The following SI variants were observed in gnomAD, a reference collection of about 807,000 sequenced individuals.
The protein encoded by SI is sucrase-isomaltase, intestinal.
SI carries 235 observed loss-of-function variants against 253.3 expected under a neutral mutation model. The ratio of observed to expected loss-of-function variants is 0.93; its 90% CI spans 0.83 to 1.03. SI has a LOEUF of 1.03. Among genes scored for constraint, SI ranks in the 50% least tolerant of loss-of-function variants. The pLI, the probability that SI is intolerant of heterozygous loss-of-function variation, is 0.00. For missense variants in SI, 2,442 were observed against 2,211.1 expected (o/e 1.10, Z -2.09); for synonymous variants, 819 against 712.0 (o/e 1.15, Z -2.39).
chr3:165,084,008 A>G, the SI span, among the ~76,000 whole-genome samples: 4 of 152,032 alleles, frequency 2.6e-5, no homozygotes, highest in Non-Finnish European at 5.9e-5. Flanking sequence ...CTGAAGGTTT[A>G]CATCCCCTCC....
intron 27 of SI, 44 bp downstream of exon 27, chr3:165,021,185 C>A (rs377726008): frequency 3.2e-6 from 5 of 1,562,384 alleles, no homozygotes; most frequent in African/African-American, 1.4e-5. Flanking sequence ...CCTTCGTAAG[C>A]TAAAATTAAA....
At chr3:165,016,135 A>G (rs754084986) in intron 31 of SI, 55 bp from the exon 32 acceptor site, 1 of 1,414,452 alleles carries the variant, frequency 7.1e-7, no homozygotes, top group Non-Finnish European at 1.0e-6. Context: ...TAGTAAGTGT[A>G]TCATATTTTA....
intron 36 of SI, among the ~76,000 whole-genome samples, chr3:165,007,307 G>T (rs1195085958): frequency 6.6e-6 from 1 of 152,022 alleles, no homozygotes; most frequent in Admixed American, 6.6e-5. Context: ...ACTGCCTTTT[G>T]ATCCACATTT....
At chr3:165,060,966 T>C (rs868086823) in intron 9 of SI, among the ~76,000 whole-genome samples, 1 of 150,766 alleles carries the variant, frequency 6.6e-6, no homozygotes, top group Non-Finnish European at 1.5e-5. Flanking sequence ...TGTTGGGTTA[T>C]TGTTTTCTAT....
At chr3:165,084,022 T>G in the SI span, among the ~76,000 whole-genome samples, 1 of 152,024 alleles carries the variant, frequency 6.6e-6, no homozygotes, top group Admixed American at 6.6e-5. Flanking sequence ...CCCCTCCAAA[T>G]TCATATGCTG....
At chr3:165,000,845 C>A (rs1418831498) in intron 37 of SI, among the ~76,000 whole-genome samples, 1 of 151,338 alleles carries the variant, frequency 6.6e-6, no homozygotes, top group Non-Finnish European at 1.5e-5. Context: ...TTTGTTACCA[C>A]TTGACATTGG....
chr3:165,074,756 T>C, intron 2 of SI, 89 bp from the exon 3 acceptor site: 1 of 1,085,988 alleles, frequency 9.2e-7, no homozygotes, highest in Non-Finnish European at 1.4e-6. Context: ...TTTGAAAGAA[T>C]ACATGAATTC....
At chr3:165,043,935 A>G (rs1400236772) in intron 16 of SI, among the ~76,000 whole-genome samples, 2 of 152,002 alleles carry the variant, frequency 1.3e-5, no homozygotes, top group Non-Finnish European at 2.9e-5. Flanking sequence ...CGTGAAATTT[A>G]TATATAGGCT....
chr3:165,037,742 T>C (rs1487465488), intron 21 of SI, among the ~76,000 whole-genome samples, 158 bp downstream of exon 21: 1 of 151,856 alleles, frequency 6.6e-6, no homozygotes, highest in Admixed American at 6.6e-5. Context: ...ATAATTTCAT[T>C]CTTTTTATAG....
intron 8 of SI, among the ~76,000 whole-genome samples, chr3:165,062,765 G>T (rs2108254596): frequency 6.6e-6 from 1 of 152,108 alleles, no homozygotes; most frequent in East Asian, 1.9e-4. Flanking sequence ...CAAAGGATTA[G>T]TTCTCTGGCG....
rs201221376 is a variant in SI, at chr3:165,021,393, A to G, written c.3100-10T>C. 5.6e-6 allele frequency: 9 copies of G among 1,607,286 alleles called. No homozygotes were observed. The East Asian group carries it at 1.3e-4, about 24-fold the overall frequency. On this transcript the variant is annotated splice_polypyrimidine_tract_variant and intron_variant, in intron 26 of 47. Coordinates refer to ENST00000264382, the MANE Select transcript of SI (RefSeq NM_001041.4). Reference sequence around the variant, plus strand: ...TTTGGGGATCATAAATCTATTGCAGATAAGTAGTAAAAAAGTTTATTCTGA... The same window carrying G: ...TTTGGGGATCATAAATCTATTGCAGGTAAGTAGTAAAAAAGTTTATTCTGA...
chr3:165,008,560 G>A (rs1203055228), intron 35 of SI, among the ~76,000 whole-genome samples: 1 of 151,996 alleles, frequency 6.6e-6, no homozygotes, highest in East Asian at 1.9e-4. Context: ...ATATACTTAA[G>A]AGAATCCCTT....
chr3:165,067,256 T>C, intron 6 of SI, 84 bp downstream of exon 6: 2 of 1,060,828 alleles, frequency 1.9e-6, no homozygotes, highest in Non-Finnish European at 2.7e-6. Flanking sequence ...GAAATTTATT[T>C]CTACTGAAAA....
At chr3:165,023,499 A>G in intron 26 of SI, 71 bp downstream of exon 26, 1 of 1,009,300 alleles carries the variant, frequency 9.9e-7, no homozygotes, top group East Asian at 2.4e-5. Context: ...ATTAAATATC[A>G]ATCACAGGAT....
In SI at chr3:165,037,990, T is replaced by A; in HGVS notation, c.2336A>T (p.Asp779Val). Residue 779 changes from aspartate (D) to valine (V), a missense_variant, in exon 21 of 48, where the codon GAT becomes GTT. Asp to Val is a radical substitution (Grantham distance 152). Transcript: ENST00000264382. ...TATTTTGTCTGCTGGAAGATACATA[T>A]CAACCCGTTGTTTCCTCCATGGCCT... ...AKRPWRKQRV[D>V]MYLPADKIGL... 2 of 1,607,314 alleles carry A rather than the reference T, an allele frequency of 1.2e-6. No homozygotes were observed. The highest frequency in any genetic ancestry group is 1.7e-6 in the Non-Finnish European group (2 of 1,174,450).
At position 165,023,565 on chromosome 3, in the gene SI, C is replaced by T; in HGVS notation, c.3099+5G>A. Reference sequence around the variant, plus strand: ...AAGCTTTGGGGTAGTTTATATCAAGCATACCTTAAACTGCAACATATCATT... The same window carrying T: ...AAGCTTTGGGGTAGTTTATATCAAGTATACCTTAAACTGCAACATATCATT... On this transcript the variant is annotated splice_donor_5th_base_variant and intron_variant, in intron 26 of 47. Transcript: ENST00000264382. 1 of 1,604,658 alleles carries T rather than the reference C, an allele frequency of 6.2e-7. No homozygotes were observed. Among genetic ancestry groups the T allele is most frequent in the East Asian group, 2.2e-5 (1 of 44,644 alleles).
At chr3:165,032,413 A>G in intron 24 of SI, 109 bp downstream of exon 24, 1 of 672,960 alleles carries the variant, frequency 1.5e-6, no homozygotes, top group South Asian at 2.2e-5. Flanking sequence ...AACGAAGGGA[A>G]GAAAGGAATA....
In SI at chr3:165,068,721, C is replaced by A; in HGVS notation, c.483+1G>T. 1 of 1,609,786 alleles carries A rather than the reference C, an allele frequency of 6.2e-7. No individual in the cohort carries two copies. The highest frequency in any genetic ancestry group is 8.5e-7 in the Non-Finnish European group (1 of 1,176,162). On this transcript the variant is annotated splice_donor_variant, in intron 5 of 47. Transcript: ENST00000264382. LOFTEE classifies it high-confidence loss of function. Reference sequence around the variant, plus strand: ...ATCTTTGGAAACCTTAAAAACCGAACCTTGAACCGGAAACGATTGGGTGTC... The same window carrying A: ...ATCTTTGGAAACCTTAAAAACCGAAACTTGAACCGGAAACGATTGGGTGTC...
At chr3:165,011,686 A>G (rs1213197615) in intron 34 of SI, among the ~76,000 whole-genome samples, 1 of 150,188 alleles carries the variant, frequency 6.7e-6, no homozygotes, top group Non-Finnish European at 1.5e-5. Context: ...TGTTCTATTT[A>G]TTATTGTTAT....
Sources: allele counts gnomAD v4.1 joint callset (sites outside exome capture counted in the v4.1 genomes callset), GRCh38; gene constraint gnomAD v4.1.1; transcripts MANE v1.5; gene names NCBI Gene and HGNC (gene_info 2026-07-23, HGNC 2026-07-21).